NRXN3: variants seen among roughly 807,000 people sequenced by gnomAD.
The protein encoded by NRXN3 is neurexin III.
In NRXN3, 32 loss-of-function variants were observed where a neutral mutation model predicts 137.6. The observed-to-expected ratio is 0.23, with a 90% CI of 0.18 to 0.31. The LOEUF (loss-of-function observed/expected upper bound fraction) is 0.31. NRXN3 is among the 10% of genes least tolerant of loss of function. The pLI is 1.00. For missense variants in NRXN3, 1,574 were observed against 2,062.5 expected, an observed-to-expected ratio of 0.76 and a Z score of 4.59; for synonymous variants, 798 against 784.5, an observed-to-expected ratio of 1.02 and a Z score of -0.29.
At chr14:79,418,618 A>G (rs2095531597) in intron 15 of NRXN3, among the ~76,000 whole-genome samples, 1 of 152,208 alleles carries the variant, frequency 6.6e-6, no homozygotes, top group African/African-American at 2.4e-5. Flanking sequence ...GCCCTTGAGC[A>G]CAGCAGTCAA....
intron 15 of NRXN3, among the ~76,000 whole-genome samples, chr14:79,386,553 T>C (rs1301893516): frequency 6.6e-6 from 1 of 152,082 alleles, no homozygotes; most frequent in Non-Finnish European, 1.5e-5. Flanking sequence ...TTCAATCTCA[T>C]CCCCATCAAG....
chr14:78,450,692 C>T (rs191487702), intron 4 of NRXN3, among the ~76,000 whole-genome samples: 2 of 152,188 alleles, frequency 1.3e-5, no homozygotes, highest in Non-Finnish European at 2.9e-5. Context: ...TCTCCCTCTG[C>T]CTGCTGTGGA....
chr14:79,651,668 G>A (rs2098476816), intron 16 of NRXN3, among the ~76,000 whole-genome samples: 1 of 152,144 alleles, frequency 6.6e-6, no homozygotes, highest in Non-Finnish European at 1.5e-5. Context: ...GATGTCTCTG[G>A]AAGGCACGTG....
intron 15 of NRXN3, among the ~76,000 whole-genome samples, chr14:79,265,231 C>CTTTTTT (rs936690790): frequency 1.1e-4 from 10 of 91,886 alleles, no homozygotes; most frequent in African/African-American, 3.9e-4. Context: ...GGGGGTTGCT[C>CTTTTTT]TTTTTTTTTT....
At chr14:78,668,784 G>A (rs529888206) in intron 6 of NRXN3, among the ~76,000 whole-genome samples, 9 of 152,332 alleles carry the variant, frequency 5.9e-5, no homozygotes, top group Middle Eastern at 3.4e-3. Flanking sequence ...ACAAATAAGT[G>A]TGTCTGTGTT....
rs559890343 is a variant in NRXN3 at position 79,361,246 on chromosome 14, C to T, written c.3263-105975C>T. Among the ~76,000 whole-genome samples, 11 of 152,324 alleles carry T rather than the reference C, an allele frequency of 7.2e-5. No individual in the cohort carries two copies. In the East Asian group the frequency reaches 1.5e-3, roughly 21 times the overall value. ...ATTTAATAAACTGTGATAGCTAGAG[C>T]TGTTTCACTGGGGCATCAGTAAGCT... On this transcript the variant is annotated intron_variant, in intron 15 of 20. Transcript: ENST00000335750.
chr14:79,637,274 G>A (rs1160905776), intron 16 of NRXN3, among the ~76,000 whole-genome samples: 2 of 152,078 alleles, frequency 1.3e-5, no homozygotes, highest in African/African-American at 4.8e-5. Flanking sequence ...CAGATCAAGT[G>A]TTAAAGAAGA....
At chr14:78,184,726 A>G (rs1488961974) in intron 1 of NRXN3, among the ~76,000 whole-genome samples, 1 of 152,220 alleles carries the variant, frequency 6.6e-6, no homozygotes, top group Non-Finnish European at 1.5e-5. Flanking sequence ...CGTAGAGATG[A>G]GGACCAGGAG....
intron 16 of NRXN3, among the ~76,000 whole-genome samples, chr14:79,538,096 A>G (rs1309074435): frequency 6.6e-6 from 1 of 152,136 alleles, no homozygotes; most frequent in Non-Finnish European, 1.5e-5. Context: ...TCTTCTTTTG[A>G]GAAGTGTCTG....
At position 78,749,092 on chromosome 14, in the gene NRXN3, A is replaced by G. The variant is rs144629926; in HGVS notation, c.2044+33953A>G. ...CCACATTCTGATGATTTCTCTTAGAAACTTAGAGAAGGGGAGAACAATAAT... is the reference window on the plus strand; with the variant it reads ...CCACATTCTGATGATTTCTCTTAGAGACTTAGAGAAGGGGAGAACAATAAT... On this transcript the variant is annotated intron_variant, in intron 8 of 20. Coordinates refer to ENST00000335750, the MANE Select transcript of NRXN3 (RefSeq NM_001330195.2). 5.1e-3 allele frequency among the ~76,000 whole-genome samples: 776 copies of G among 152,308 alleles called. 9 individuals are homozygous for G. Among genetic ancestry groups the G allele is most frequent in the African/African-American group, 0.018 (746 of 41,558 alleles).
intron 14 of NRXN3, among the ~76,000 whole-genome samples, chr14:78,984,549 A>C (rs546233467): frequency 6.6e-6 from 1 of 152,194 alleles, no homozygotes; most frequent in Non-Finnish European, 1.5e-5. Flanking sequence ...AGCACAGTTA[A>C]GGCCAAGGGT....
At chr14:79,826,792 C>A (rs1002868613) in intron 20 of NRXN3, among the ~76,000 whole-genome samples, 2 of 152,116 alleles carry the variant, frequency 1.3e-5, no homozygotes, top group Admixed American at 6.5e-5. Context: ...CTTCCTGATA[C>A]GTTATTTTAT....
chr14:78,430,802 A>G (rs1181958203), intron 4 of NRXN3, among the ~76,000 whole-genome samples: 1 of 152,226 alleles, frequency 6.6e-6, no homozygotes, highest in Non-Finnish European at 1.5e-5. Context: ...TTGACCAGAC[A>G]GCTGAAGGTT....
rs189131478 is a variant in NRXN3 at position 79,649,211 on chromosome 14, C to T, written c.3445-14567C>T. On this transcript the variant is annotated intron_variant, in intron 16 of 20. Transcript: ENST00000335750. ...CACCAGTTAGCAACAGTAAGATAAC[C>T]GCTAACTTCTGAAACATGGAAGCTC... Among the ~76,000 whole-genome samples the T allele has an allele frequency of 2.2e-3, 334 of 152,104 alleles. 1 individual carries two copies. Among genetic ancestry groups the T allele is most frequent in the Non-Finnish European group, 3.8e-3 (256 of 67,986 alleles).
intron 10 of NRXN3, among the ~76,000 whole-genome samples, chr14:78,833,575 T>C (rs1233676936): frequency 6.6e-6 from 1 of 152,170 alleles, no homozygotes; most frequent in Non-Finnish European, 1.5e-5. Flanking sequence ...AAGAACTTGG[T>C]CAAGATGGGG....
chr14:78,794,562 A>G (rs370435025), intron 8 of NRXN3, among the ~76,000 whole-genome samples: 1 of 152,046 alleles, frequency 6.6e-6, no homozygotes, highest in East Asian at 1.9e-4. Flanking sequence ...GTTTAATTAA[A>G]GTAGTACATA....
chr14:79,697,865 T>C lies in NRXN3; in HGVS notation c.3942T>C (p.Thr1314=). 15 of 1,613,274 alleles carry C rather than the reference T, an allele frequency of 9.3e-6. No individual in the cohort carries two copies. The highest frequency in any genetic ancestry group is 1.1e-5 in the Non-Finnish European group (13 of 1,179,466). Residue 1314 remains threonine, a synonymous_variant, in exon 19 of 21, where the codon ACT becomes ACC. Coordinates refer to ENST00000335750, the MANE Select transcript of NRXN3 (RefSeq NM_001330195.2). The part of the protein sequence containing the change: ...QTTSMPPEMS[T]TVMETTTTMA... ...CCTCCATGCCACCAGAAATGTCTAC[T>C]ACTGTCATGGAAACCACTACTACAA...
intron 14 of NRXN3, among the ~76,000 whole-genome samples, chr14:78,984,371 A>G (rs1315408714): frequency 6.6e-6 from 1 of 152,220 alleles, no homozygotes; most frequent in Non-Finnish European, 1.5e-5. Flanking sequence ...AAAGAAATTA[A>G]TTTAATTACA....
chr14:78,649,182 C>T (rs925797385), intron 5 of NRXN3: 17 of 884,954 alleles, frequency 1.9e-5, no homozygotes, highest in Admixed American at 1.2e-4. Context: ...AACACCCTAA[C>T]GACTCATCTT....
Sources: allele counts gnomAD v4.1 joint callset (sites outside exome capture counted in the v4.1 genomes callset), GRCh38; gene constraint gnomAD v4.1.1; transcripts MANE v1.5; gene names NCBI Gene and HGNC (gene_info 2026-07-23, HGNC 2026-07-21).